Variants in BCL2 observed in about 807,000 individuals in gnomAD.
BCL2 encodes BCL2 apoptosis regulator, also known as apoptosis regulator Bcl-2.
In BCL2, 1 loss-of-function variant was observed where a neutral mutation model predicts 14.2. The ratio of observed to expected loss-of-function variants is 0.07; its 90% CI spans 0.02 to 0.33. The LOEUF (loss-of-function observed/expected upper bound fraction) is 0.33. Ranked by LOEUF, BCL2 falls within the 10% of genes least tolerant of loss-of-function variation. The pLI is 0.99. For missense variants in BCL2, 247 were observed against 305.9 expected (o/e 0.81, Z 1.44); for synonymous variants, 151 against 137.2 (o/e 1.10, Z -0.70).
intron 2 of BCL2, among the ~76,000 whole-genome samples, chr18:63,268,133 G>A (rs1450049032): frequency 1.3e-5 from 2 of 152,220 alleles, no homozygotes; most frequent in Non-Finnish European, 2.9e-5. Context: ...TGAGTAGCCT[G>A]AAGACCTTAT....
intron 2 of BCL2, chr18:63,317,393 T>C (rs116302233): frequency 5.6e-4 from 149 of 265,074 alleles, no homozygotes; most frequent in African/African-American, 3.4e-3. Flanking sequence ...AGCAAAGCCA[T>C]AGCCTGATAC....
At chr18:63,185,930 G>A (rs1034744237) in intron 2 of BCL2, among the ~76,000 whole-genome samples, 3 of 152,140 alleles carry the variant, frequency 2.0e-5, no homozygotes, top group African/African-American at 7.2e-5. Flanking sequence ...GAATATTTAT[G>A]AACAGACAAA....
chr18:63,259,837 C>T (rs1332123461), intron 2 of BCL2, among the ~76,000 whole-genome samples: 2 of 152,234 alleles, frequency 1.3e-5, no homozygotes, highest in Non-Finnish European at 2.9e-5. Context: ...TAAAATGACT[C>T]CATTTTTATT....
intron 2 of BCL2, among the ~76,000 whole-genome samples, chr18:63,136,726 T>G (rs1914219202): frequency 1.3e-5 from 2 of 152,194 alleles, no homozygotes; most frequent in African/African-American, 4.8e-5. Flanking sequence ...ACTAGGGAGC[T>G]GGGGTATTTA....
intron 2 of BCL2, among the ~76,000 whole-genome samples, chr18:63,219,291 C>T (rs927023817): frequency 6.6e-6 from 1 of 152,080 alleles, no homozygotes; most frequent in Non-Finnish European, 1.5e-5. Context: ...CAAGTGCTAC[C>T]TCATTCCTCC....
At chr18:63,252,578 T>A (rs550818737) in intron 2 of BCL2, among the ~76,000 whole-genome samples, 4 of 152,154 alleles carry the variant, frequency 2.6e-5, no homozygotes, top group Non-Finnish European at 4.4e-5. Context: ...CAAGATGTGA[T>A]GGTTTTAAAA....
chr18:63,234,572 C>T (rs984014669), intron 2 of BCL2, among the ~76,000 whole-genome samples: 2 of 152,212 alleles, frequency 1.3e-5, no homozygotes, highest in African/African-American at 4.8e-5. Context: ...TGTTCCAACA[C>T]TACCACGCTG....
At chr18:63,130,965 T>A (rs1181792873) in intron 2 of BCL2, among the ~76,000 whole-genome samples, 2 of 152,074 alleles carry the variant, frequency 1.3e-5, no homozygotes, top group African/African-American at 4.8e-5. Context: ...CTGAGAGTGA[T>A]CCTGTCCCCC....
intron 2 of BCL2, among the ~76,000 whole-genome samples, chr18:63,188,395 T>C (rs1915642316): frequency 1.3e-5 from 2 of 152,190 alleles, no homozygotes; most frequent in Admixed American, 6.5e-5. Flanking sequence ...AAAATATAAG[T>C]ACAAGTGTTT....
At chr18:63,218,614 CCCCCTCCACTCATCCCATCCACTCAT>C (rs1910274579) in intron 2 of BCL2, among the ~76,000 whole-genome samples, 2 of 148,850 alleles carry the variant, frequency 1.3e-5, no homozygotes, top group East Asian at 2.0e-4. Flanking sequence ...ATCCACTCAT[CCCCCTCCACTCATCCCATCCACTCAT>C]CCCATCCTCC....
intron 2 of BCL2, among the ~76,000 whole-genome samples, chr18:63,218,811 A>T: frequency 1.8e-5 from 1 of 56,938 alleles, no homozygotes; most frequent in African/African-American, 7.0e-5. Context: ...ATCCCCCTCC[A>T]CTCATCCCCA....
chr18:63,289,335 A>G (rs1356662770), intron 2 of BCL2, among the ~76,000 whole-genome samples: 1 of 152,232 alleles, frequency 6.6e-6, no homozygotes, highest in Non-Finnish European at 1.5e-5. Flanking sequence ...GTCACTCCCA[A>G]CAGGGATACT....
At chr18:63,240,982 T>C (rs1367964909) in intron 2 of BCL2, among the ~76,000 whole-genome samples, 1 of 152,238 alleles carries the variant, frequency 6.6e-6, no homozygotes, top group Non-Finnish European at 1.5e-5. Flanking sequence ...TTGGAAAACA[T>C]TTCCAGTGAA....
At chr18:63,267,065 T>C (rs912369086) in intron 2 of BCL2, among the ~76,000 whole-genome samples, 1 of 151,024 alleles carries the variant, frequency 6.6e-6, no homozygotes, top group Non-Finnish European at 1.5e-5. Flanking sequence ...GGTCAGGAGG[T>C]GAGGAGATGC....
intron 2 of BCL2, among the ~76,000 whole-genome samples, chr18:63,295,461 G>A (rs1015569745): frequency 4.6e-5 from 7 of 152,114 alleles, no homozygotes; most frequent in Non-Finnish European, 8.8e-5. Flanking sequence ...TACCATCATT[G>A]ATAGCTTATT....
chr18:63,211,358 ATATT>A (rs1381587959), intron 2 of BCL2, among the ~76,000 whole-genome samples: 1 of 151,976 alleles, frequency 6.6e-6, no homozygotes, highest in East Asian at 1.9e-4. Flanking sequence ...GCGCCTGGCC[ATATT>A]TATTTCCATC....
At chr18:63,165,583 C>T (rs1915023513) in intron 2 of BCL2, among the ~76,000 whole-genome samples, 1 of 152,246 alleles carries the variant, frequency 6.6e-6, no homozygotes, top group Non-Finnish European at 1.5e-5. Flanking sequence ...CTATCCCAAA[C>T]CTCTCTCAGG....
chr18:63,200,403 A>C (rs1351234154), intron 2 of BCL2, among the ~76,000 whole-genome samples: 2 of 152,254 alleles, frequency 1.3e-5, no homozygotes, highest in African/African-American at 4.8e-5. Context: ...ATATCCCAAA[A>C]GGGGCAATAC....
intron 2 of BCL2, among the ~76,000 whole-genome samples, chr18:63,155,974 G>C (rs1472522515): frequency 2.0e-5 from 3 of 149,462 alleles, no homozygotes; most frequent in Non-Finnish European, 4.4e-5. Context: ...GGGGCACTTG[G>C]TGTTCTTGGG....
Sources: allele counts gnomAD v4.1 joint callset (sites outside exome capture counted in the v4.1 genomes callset), GRCh38; gene constraint gnomAD v4.1.1; transcripts MANE v1.5; gene names NCBI Gene and HGNC (gene_info 2026-07-23, HGNC 2026-07-21).